Variants in MAPK6 observed in about 807,000 individuals in gnomAD.
The protein encoded by MAPK6 is mitogen-activated protein kinase 6.
Under a neutral mutation model 59.3 loss-of-function variants are expected in MAPK6, and 19 were observed. The observed-to-expected ratio is 0.32, with a 90% confidence interval of 0.22 to 0.47. The LOEUF (loss-of-function observed/expected upper bound fraction) is 0.47, where lower values mean the gene tolerates loss of function less well. MAPK6 is among the 20% of genes least tolerant of loss of function. MAPK6 has a pLI of 1.00. For synonymous variants in MAPK6, 316 were observed against 290.3 expected (o/e 1.09, Z -0.90); for missense variants, 724 against 847.9 (o/e 0.85, Z 1.81).
In MAPK6 at chr15:52,063,908, T is replaced by C. The variant is rs180742711; in HGVS notation, c.1074T>C (p.His358=). The change falls in exon 6 of 6, where the codon CAT becomes CAC. Residue 358 remains histidine, a synonymous_variant. Transcript: ENST00000261845. Reference sequence around the variant, plus strand: ...GTGTATTGATTTTTTTCAGGTATCATGATTGTCAGTTTTCAGAGCATGATT... The same window carrying C: ...GTGTATTGATTTTTTTCAGGTATCACGATTGTCAGTTTTCAGAGCATGATT... ...HSHIYNWERY[H]DCQFSEHDWP... The C allele has an allele frequency of 5.9e-6, 9 of 1,537,258 alleles. No individual in the cohort carries two copies. Among genetic ancestry groups the C allele is most frequent in the Non-Finnish European group, 7.9e-6 (9 of 1,143,550 alleles).
intron 1 of MAPK6, among the ~76,000 whole-genome samples, chr15:52,028,330 A>G (rs1260054889): frequency 5.9e-5 from 9 of 151,886 alleles, no homozygotes; most frequent in African/African-American, 2.2e-4. Flanking sequence ...CAAGTGATTC[A>G]TCTGCCTTGG....
chr15:52,004,332 G>C (rs560777140), exon 3 of MAPK6: 3 of 152,136 alleles, frequency 2.0e-5, no homozygotes. Context: ...GCTTCTAAAA[G>C]TGGAAGGGAT....
chr15:52,041,475 C>T (rs541705426), intron 1 of MAPK6, among the ~76,000 whole-genome samples: 6 of 152,140 alleles, frequency 3.9e-5, no homozygotes, highest in East Asian at 1.9e-4. Context: ...GGATTACAGG[C>T]GTGAGCCACC....
At chr15:51,980,128 C>G (rs927946069) in intron 1 of MAPK6, among the ~76,000 whole-genome samples, 5 of 151,420 alleles carry the variant, frequency 3.3e-5, no homozygotes, top group Non-Finnish European at 5.9e-5. Flanking sequence ...AACCCCATCT[C>G]TACTAAAAAT....
chr15:52,064,052 G>A lies in MAPK6; in HGVS notation c.1218G>A (p.Arg406=). The A allele has an allele frequency of 6.2e-7, 1 of 1,613,720 alleles. No individual in the cohort carries two copies. Among genetic ancestry groups the A allele is most frequent in the Non-Finnish European group, 8.5e-7 (1 of 1,179,768 alleles). ...VDPRKYLDGD[R]EKYLEDPAFD... The stretch of plus-strand genomic sequence containing the variant: ...CCCGAAAATATTTGGATGGAGATCG[G>A]GAAAAGTATCTGGAGGATCCTGCTT... The change falls in exon 6 of 6, where the codon CGG becomes CGA. Residue 406 remains arginine (R), a synonymous_variant. Coordinates refer to ENST00000261845, the MANE Select transcript of MAPK6 (RefSeq NM_002748.4).
chr15:51,990,600 G>A (rs1317868751), intron 2 of MAPK6, among the ~76,000 whole-genome samples: 1 of 152,012 alleles, frequency 6.6e-6, no homozygotes, highest in Non-Finnish European at 1.5e-5. Flanking sequence ...CGGATCACCT[G>A]AGGTTGGGAG....
intron 2 of MAPK6, among the ~76,000 whole-genome samples, chr15:51,993,393 G>T (rs186229476): frequency 6.6e-6 from 1 of 152,138 alleles, no homozygotes; most frequent in African/African-American, 2.4e-5. Flanking sequence ...TATACCTTAC[G>T]ATGTCACAGA....
At chr15:51,985,902 G>A (rs187530802) in intron 2 of MAPK6, among the ~76,000 whole-genome samples, 244 of 152,022 alleles carry the variant, frequency 1.6e-3, no homozygotes, top group African/African-American at 5.6e-3. Context: ...AGCTTGCAGT[G>A]AGCCGAGATC....
chr15:52,017,069 C>T (rs1047590856), upstream of MAPK6: 3 of 155,382 alleles, frequency 1.9e-5, no homozygotes, highest in African/African-American at 7.2e-5. Flanking sequence ...AACAAACAAA[C>T]AAACAAACAA....
chr15:52,027,018 C>T (rs1332725612), intron 1 of MAPK6, among the ~76,000 whole-genome samples: 3 of 149,702 alleles, frequency 2.0e-5, no homozygotes, highest in African/African-American at 4.9e-5. Context: ...CCATTGCACT[C>T]CAGCCTGGGC....
At chr15:52,052,009 T>C (rs1345406934) in intron 3 of MAPK6, among the ~76,000 whole-genome samples, 1 of 152,246 alleles carries the variant, frequency 6.6e-6, no homozygotes, top group African/African-American at 2.4e-5. Flanking sequence ...GTTCCTGATA[T>C]CAAGTGCCTT....
intron 2 of MAPK6, among the ~76,000 whole-genome samples, chr15:52,002,060 G>A (rs984153919): frequency 6.6e-6 from 1 of 152,158 alleles, no homozygotes; most frequent in Non-Finnish European, 1.5e-5. Context: ...CTTAGGTCAC[G>A]AAAGTCTCTT....
intron 5 of MAPK6, among the ~76,000 whole-genome samples, chr15:52,061,712 C>G (rs906760147): frequency 6.6e-6 from 1 of 151,872 alleles, no homozygotes; most frequent in Admixed American, 6.6e-5. Flanking sequence ...CCCAAGTGGC[C>G]GAGGCTGCCG....
At position 52,061,519 on chromosome 15, in the gene MAPK6, A is replaced by G. The variant is rs757751836; in HGVS notation, c.1067+19A>G. ...GGGAAAGGTAAATTGATCCTAAATT[A>G]GAAAAATAATATTTACTGAACTTTC... On this transcript the variant is annotated intron_variant, in intron 5 of 5. Transcript: ENST00000261845. The G allele has an allele frequency of 6.4e-7, 1 of 1,573,110 alleles. No individual in the cohort carries two copies. The highest frequency in any genetic ancestry group is 1.1e-5 in the South Asian group (1 of 89,818).
intron 2 of MAPK6, among the ~76,000 whole-genome samples, chr15:52,001,512 T>TC (rs1323988809): frequency 6.7e-6 from 1 of 148,840 alleles, no homozygotes; most frequent in Non-Finnish European, 1.5e-5. Flanking sequence ...TTCCTTTCTT[T>TC]TTTTTTTTTT....
intron 2 of MAPK6, among the ~76,000 whole-genome samples, chr15:51,983,994 A>G (rs971498917): frequency 6.6e-6 from 1 of 152,042 alleles, no homozygotes; most frequent in Non-Finnish European, 1.5e-5. Context: ...TCATTAAAAA[A>G]AAAAAATCCA....
intron 1 of MAPK6, among the ~76,000 whole-genome samples, chr15:52,037,810 A>G (rs1595989816): frequency 1.3e-5 from 2 of 152,128 alleles, no homozygotes; most frequent in Admixed American, 6.5e-5. Context: ...AAAGCTTTCT[A>G]CTCACGTAGA....
At chr15:52,034,151 A>C (rs2031149976) in intron 1 of MAPK6, 7 of 150,134 alleles carry the variant, frequency 4.7e-5, no homozygotes, top group Admixed American at 4.0e-4. Context: ...ACGCCCAACT[A>C]ATTTTGTATT....
intron 2 of MAPK6, among the ~76,000 whole-genome samples, chr15:52,049,573 C>T (rs563531822): frequency 6.6e-6 from 1 of 151,514 alleles, no homozygotes; most frequent in East Asian, 1.9e-4. Flanking sequence ...AGTGATCCAC[C>T]TACCTCGGCC....
Sources: gnomAD v4.1 joint callset for allele counts (sites outside exome capture counted in the v4.1 genomes callset) on GRCh38, gnomAD v4.1.1 for gene constraint, MANE v1.5 for transcripts, NCBI Gene and HGNC (gene_info 2026-07-23, HGNC 2026-07-21) for gene names.